Variants in XIRP2 observed in about 807,000 individuals in gnomAD.
XIRP2 encodes xin actin binding repeat containing 2.
XIRP2 carries 236 observed loss-of-function variants against 277.0 expected under a neutral mutation model. That is an observed-to-expected ratio of 0.85 (90% confidence interval 0.77 to 0.95). XIRP2 has a LOEUF of 0.95. Ranked by LOEUF, XIRP2 falls within the 40% of genes least tolerant of loss-of-function variation. The pLI is 0.00. For missense variants in XIRP2, 4,640 were observed against 4,157.5 expected (o/e 1.12, Z -3.19); for synonymous variants, 1,490 against 1,416.5 (o/e 1.05, Z -1.17).
intron 2 of XIRP2, among the ~76,000 whole-genome samples, chr2:167,084,150 A>C (rs1274931934): frequency 6.6e-6 from 1 of 152,140 alleles, no homozygotes. Context: ...TTTAGCATGA[A>C]TTGTTGTTGA....
Position 167,245,881 on chromosome 2 carries a change from C to G in XIRP2, c.4489C>G (p.Arg1497Gly). The change falls in exon 9 of 11, where the codon CGA (arginine) becomes GGA (glycine). Residue 1497 changes from arginine to glycine, a missense_variant. Arg to Gly is a moderately radical substitution (Grantham distance 125). Coordinates refer to ENST00000409195, the MANE Select transcript of XIRP2 (RefSeq NM_152381.6). ...VKQAVWLFEN[R>G]TFDSIMEAHK... ...GCAGGCTGTGTGGCTTTTTGAAAAT[C>G]GAACTTTCGATTCTATTATGGAAGC... The G allele has an allele frequency of 6.2e-7, 1 of 1,613,576 alleles. No homozygotes were observed. The highest frequency in any genetic ancestry group is 1.3e-5 in the African/African-American group (1 of 74,952).
At position 167,251,438 on chromosome 2, in the gene XIRP2, A is replaced by G. The variant is rs1376076628; in HGVS notation, c.10046A>G (p.Lys3349Arg). The part of the protein sequence containing the change: ...EFEHGPVSEA[K>R]SNRRVYAKGE... ...GAGCATGGCCCAGTTTCTGAAGCAA[A>G]GTCAAATAGAAGAGTTTATGCAAAG... Residue 3349 changes from lysine to arginine, a missense_variant, in exon 9 of 11, where the codon AAG (lysine) becomes AGG (arginine). Physicochemically the swap from Lys to Arg is conservative, Grantham distance 26. Transcript: ENST00000409195. 5.6e-6 allele frequency: 9 copies of G among 1,613,624 alleles called. No homozygotes were observed. The highest frequency in any genetic ancestry group is 1.7e-5 in the Admixed American group (1 of 59,968).
intron 1 of XIRP2, among the ~76,000 whole-genome samples, chr2:166,894,135 TAAACTC>T (rs1218762466): frequency 6.6e-6 from 1 of 152,078 alleles, no homozygotes; most frequent in African/African-American, 2.4e-5. Flanking sequence ...TAATTAGACA[TAAACTC>T]AAAGTTACAA....
chr2:166,956,565 G>C (rs1452376586), intron 2 of XIRP2, among the ~76,000 whole-genome samples: 9 of 151,934 alleles, frequency 5.9e-5, no homozygotes, highest in African/African-American at 2.2e-4. Context: ...GAGAAAGATA[G>C]TGGTTTAAAT....
At chr2:167,199,762 G>A (rs1319405760) in intron 3 of XIRP2, among the ~76,000 whole-genome samples, 3 of 152,158 alleles carry the variant, frequency 2.0e-5, no homozygotes, top group African/African-American at 7.2e-5. Context: ...TTTCATTCCA[G>A]CTTAGACAAC....
At chr2:167,040,770 T>C (rs1574196206) in intron 2 of XIRP2, among the ~76,000 whole-genome samples, 1 of 152,206 alleles carries the variant, frequency 6.6e-6, no homozygotes, top group Middle Eastern at 3.4e-3. Context: ...CCACCATAGC[T>C]CTTTCACCTG....
At chr2:166,893,425 A>G (rs1684160018) in intron 1 of XIRP2, among the ~76,000 whole-genome samples, 1 of 152,146 alleles carries the variant, frequency 6.6e-6, no homozygotes. Flanking sequence ...AAGTCATGCA[A>G]TACATTCCTT....
chr2:166,939,524 C>T (rs1333649164), intron 2 of XIRP2, among the ~76,000 whole-genome samples: 1 of 151,062 alleles, frequency 6.6e-6, no homozygotes, highest in Non-Finnish European at 1.5e-5. Context: ...ACTAAAAATA[C>T]AAAAAATTAG....
At chr2:166,908,216 T>A (rs1237711239) in intron 2 of XIRP2, among the ~76,000 whole-genome samples, 2 of 152,174 alleles carry the variant, frequency 1.3e-5, no homozygotes, top group East Asian at 3.9e-4. Context: ...GTTGAACTAG[T>A]TTACAGTCCC....
At chr2:167,034,511 A>G (rs1371048668) in intron 2 of XIRP2, among the ~76,000 whole-genome samples, 3 of 151,986 alleles carry the variant, frequency 2.0e-5, no homozygotes, top group African/African-American at 7.2e-5. Context: ...AAAAAGAAAA[A>G]AAAAAAGACC....
chr2:166,905,158 T>C (rs928798014), intron 2 of XIRP2, among the ~76,000 whole-genome samples: 20 of 151,994 alleles, frequency 1.3e-4, no homozygotes, highest in Non-Finnish European at 2.2e-4. Context: ...ATCTTTTAGA[T>C]GAATGTTTAG....
At chr2:166,912,107 A>T (rs1574072331) in intron 2 of XIRP2, among the ~76,000 whole-genome samples, 1 of 151,966 alleles carries the variant, frequency 6.6e-6, no homozygotes, top group African/African-American at 2.4e-5. Flanking sequence ...CTTCTCGAGG[A>T]GTATCTTTGT....
chr2:167,240,801 G>A (rs1695044086), intron 7 of XIRP2, 65 bp downstream of exon 7: 2 of 1,434,470 alleles, frequency 1.4e-6, no homozygotes. Flanking sequence ...ATTTTGAATG[G>A]ATGACTTCCA....
intron 2 of XIRP2, among the ~76,000 whole-genome samples, chr2:167,090,205 A>C (rs533053855): frequency 1.3e-5 from 2 of 152,226 alleles, no homozygotes; most frequent in East Asian, 3.9e-4. Flanking sequence ...CATTCTCCCA[A>C]AATGTATTAA....
chr2:166,916,542 T>C (rs1684885047), intron 2 of XIRP2, among the ~76,000 whole-genome samples: 1 of 152,160 alleles, frequency 6.6e-6, no homozygotes, highest in Non-Finnish European at 1.5e-5. Flanking sequence ...AAATGCAGCT[T>C]AATATTAGTA....
intron 2 of XIRP2, among the ~76,000 whole-genome samples, chr2:166,995,318 T>C (rs1355928490): frequency 1.3e-5 from 2 of 152,236 alleles, no homozygotes; most frequent in African/African-American, 4.8e-5. Context: ...ATTTCATCTT[T>C]AAGGCAAAAA....
At chr2:167,070,908 T>C (rs189060178) in intron 2 of XIRP2, among the ~76,000 whole-genome samples, 1 of 152,362 alleles carries the variant, frequency 6.6e-6, no homozygotes, top group African/African-American at 2.4e-5. Context: ...TGAGAGTTTA[T>C]CTGTTGACAT....
intron 2 of XIRP2, among the ~76,000 whole-genome samples, chr2:167,102,879 C>CT (rs1170577337): frequency 6.6e-6 from 1 of 152,150 alleles, no homozygotes; most frequent in Non-Finnish European, 1.5e-5. Flanking sequence ...AGATTTAGGT[C>CT]TTTGTCACTT....
chr2:166,900,204 A>G (rs1684346453), intron 1 of XIRP2, among the ~76,000 whole-genome samples: 2 of 151,914 alleles, frequency 1.3e-5, no homozygotes, highest in Non-Finnish European at 2.9e-5. Flanking sequence ...CAGATTTGAT[A>G]CTTTCTATCA....
Sources: allele counts gnomAD v4.1 joint callset (sites outside exome capture counted in the v4.1 genomes callset), GRCh38; gene constraint gnomAD v4.1.1; transcripts MANE v1.5; gene names NCBI Gene and HGNC (gene_info 2026-07-23, HGNC 2026-07-21).